Variants in DOP1B observed in about 807,000 individuals in gnomAD.
DOP1B encodes DOP1 leucine zipper like protein B.
A neutral mutation model predicts 233.5 loss-of-function variants in DOP1B; 174 were observed. The ratio of observed to expected loss-of-function variants is 0.75; its 90% CI spans 0.66 to 0.85. The LOEUF (loss-of-function observed/expected upper bound fraction) is 0.85. Among genes scored for constraint, DOP1B ranks in the 40% least tolerant of loss-of-function variants. DOP1B has a pLI of 0.00. For synonymous variants in DOP1B, 1,190 were observed against 1,185.6 expected (o/e 1.00, Z -0.08); for missense variants, 2,652 against 2,846.6 (o/e 0.93, Z 1.56).
intron 26 of DOP1B, among the ~76,000 whole-genome samples, chr21:36,266,023 C>T (rs551484818): frequency 1.3e-5 from 2 of 152,080 alleles, no homozygotes; most frequent in Non-Finnish European, 2.9e-5. Flanking sequence ...TGCCCCACCC[C>T]CTCAGATGCC....
intron 2 of DOP1B, among the ~76,000 whole-genome samples, chr21:36,180,007 C>T (rs930105175): frequency 1.3e-5 from 2 of 152,164 alleles, no homozygotes; most frequent in African/African-American, 4.8e-5. Context: ...GAGCCACAGC[C>T]TGTCACCTGC....
chr21:36,180,164 A>G (rs983320981), intron 2 of DOP1B, among the ~76,000 whole-genome samples: 28 of 152,272 alleles, frequency 1.8e-4, no homozygotes, highest in African/African-American at 6.0e-4. Flanking sequence ...GGGGTTATTG[A>G]TATTAACCAT....
Position 36,281,526 on chromosome 21 carries a change from G to A in DOP1B, c.6075G>A (p.Gln2025=), listed in dbSNP as rs781724014. Residue 2025 remains glutamine, a synonymous_variant, in exon 32 of 37, where the codon CAG becomes CAA. Coordinates refer to ENST00000691173, the MANE Select transcript of DOP1B (RefSeq NM_001320714.2). ...SSLKLFSSFE[Q]KAMLLKRQAF... is the part of the protein sequence containing the mutation. Reference sequence around the variant, plus strand: ...TGAAACTATTCTCAAGTTTTGAACAGAAAGCCATGCTGTTAAAGCGCCAGG... The same window carrying A: ...TGAAACTATTCTCAAGTTTTGAACAAAAAGCCATGCTGTTAAAGCGCCAGG... 1.6e-5 allele frequency: 25 copies of A among 1,609,336 alleles called. No homozygotes were observed. Among genetic ancestry groups the A allele is most frequent in the Non-Finnish European group, 2.1e-5 (25 of 1,176,116 alleles).
intron 32 of DOP1B, among the ~76,000 whole-genome samples, chr21:36,283,970 T>TG (rs2076139125): frequency 7.3e-6 from 1 of 137,610 alleles, no homozygotes; most frequent in South Asian, 2.3e-4. Context: ...TCCTTTGAGA[T>TG]GGAGTCTTGC....
intron 27 of DOP1B, among the ~76,000 whole-genome samples, chr21:36,274,926 C>T (rs1005101527): frequency 1.3e-5 from 2 of 151,194 alleles, no homozygotes; most frequent in African/African-American, 4.9e-5. Flanking sequence ...CTCACTGCAA[C>T]CTCTGCCTCC....
chr21:36,172,340 C>T (rs776769493), intron 2 of DOP1B, among the ~76,000 whole-genome samples: 14 of 152,168 alleles, frequency 9.2e-5, no homozygotes, highest in Admixed American at 3.3e-4. Context: ...CAGTTCCTGC[C>T]GTTACTGGAT....
intron 33 of DOP1B, 119 bp downstream of exon 33, chr21:36,288,269 G>T: frequency 9.8e-7 from 1 of 1,017,724 alleles, no homozygotes; most frequent in Non-Finnish European, 1.4e-6. Context: ...TTTTAATCAG[G>T]TTGGTAGCAC....
rs372711493 is a variant in DOP1B, at chr21:36,196,732, T to C, written c.139-2338T>C. On this transcript the variant is annotated intron_variant, in intron 2 of 36. Transcript: ENST00000691173. ...GAGACCAGTTGATCATTCTGAGCAA[T>C]GTAGGGAGACCTTGTCTCTACAGAA... Among the ~76,000 whole-genome samples, 18 of 152,152 alleles carry C rather than the reference T, an allele frequency of 1.2e-4. No individual in the cohort carries two copies. The South Asian group carries it at 3.3e-3, about 28-fold the overall frequency.
chr21:36,156,889 G>C lies in DOP1B; in HGVS notation c.-81G>C, dbSNP rs1252604236. 1 of 152,380 alleles carries C rather than the reference G, an allele frequency of 6.6e-6. No individual in the cohort carries two copies. Among genetic ancestry groups the C allele is most frequent in the African/African-American group, 2.4e-5 (1 of 41,456 alleles). The allele number at this position is 152,380 out of a possible 1,614,324, so 9.4% of individuals were successfully genotyped here. ...CTGCCCAGTCTCTCTCCCCCAGCCC[G>C]GAGGGCTCCTCCGCGCCGCACGTGA... On this transcript the variant is annotated 5_prime_UTR_variant, in exon 1 of 37. Coordinates refer to ENST00000691173, the MANE Select transcript of DOP1B (RefSeq NM_001320714.2).
At chr21:36,218,995 G>A (rs1943951212) in intron 9 of DOP1B, among the ~76,000 whole-genome samples, 1 of 152,172 alleles carries the variant, frequency 6.6e-6, no homozygotes, top group African/African-American at 2.4e-5. Flanking sequence ...CGTAGTCTGC[G>A]CTCTGCCTCT....
intron 7 of DOP1B, 50 bp downstream of exon 7, chr21:36,212,147 T>C: frequency 2.0e-6 from 3 of 1,505,902 alleles, no homozygotes; most frequent in Non-Finnish European, 2.7e-6. Context: ...ATGAAACCTT[T>C]TAGTGCTGAC....
intron 32 of DOP1B, among the ~76,000 whole-genome samples, chr21:36,283,229 C>T (rs1012188056): frequency 4.0e-5 from 6 of 151,826 alleles, no homozygotes; most frequent in Non-Finnish European, 8.8e-5. Flanking sequence ...TACAGGCACC[C>T]ACCACCATGT....
rs80008560 is a variant in DOP1B, at chr21:36,220,206, T to C, written c.1250+714T>C. Among the ~76,000 whole-genome samples, 1,145 of 152,342 alleles carry C rather than the reference T, an allele frequency of 7.5e-3. 13 individuals are homozygous for C. The highest frequency in any genetic ancestry group is 0.027 in the African/African-American group (1,103 of 41,582). ...AATCAATGTTAATATTTTTCTGGTT[T>C]GTTAGTTGTAAGTGTACTAAGAGTT... On this transcript the variant is annotated intron_variant, in intron 10 of 36. Coordinates refer to ENST00000691173, the MANE Select transcript of DOP1B (RefSeq NM_001320714.2).
rs1425342834 is a variant in DOP1B, at chr21:36,245,081, C to T, written c.3101C>T (p.Thr1034Ile). ...DLHRWFNRKK[T>I]SFREACAVPE... ...CACCGTTGGTTTAACAGGAAGAAAA[C>T]CTCTTTCAGAGAGGCATGCGCAGTG... is the stretch of plus-strand genomic sequence containing the variant. Residue 1034 changes from threonine (T) to isoleucine (I), a missense_variant, in exon 19 of 37, where the codon ACC becomes ATC. Thr to Ile is a moderately conservative substitution (Grantham distance 89, BLOSUM62 -1). Around this residue, in one of 3 missense-constraint regions of DOP1B, gnomAD observed 2,617 missense variants for 2,794.3 expected, o/e 0.94. Coordinates refer to ENST00000691173, the MANE Select transcript of DOP1B (RefSeq NM_001320714.2). This position sits in a 1 kb window ranked among gnomAD's most constrained non-coding sequence, Gnocchi z 5.5. The T allele has an allele frequency of 1.9e-6, 3 of 1,600,184 alleles. No homozygotes were observed. Among genetic ancestry groups the T allele is most frequent in the Non-Finnish European group, 2.6e-6 (3 of 1,168,838 alleles).
intron 2 of DOP1B, among the ~76,000 whole-genome samples, chr21:36,167,097 T>C (rs1295828499): frequency 1.3e-5 from 2 of 152,212 alleles, no homozygotes; most frequent in Non-Finnish European, 2.9e-5. Context: ...AGAACCGCAT[T>C]GAGTCCCACA....
chr21:36,245,019 A>G lies in DOP1B; in HGVS notation c.3068-29A>G, dbSNP rs754249342. 94 of 1,570,258 alleles carry G rather than the reference A, an allele frequency of 6.0e-5. No individual in the cohort carries two copies. Among genetic ancestry groups the G allele is most frequent in the Non-Finnish European group, 8.1e-5 (93 of 1,152,578 alleles). On this transcript the variant is annotated intron_variant, in intron 18 of 36. Transcript: ENST00000691173. This position sits in a 1 kb window ranked among gnomAD's most constrained non-coding sequence, Gnocchi z 5.5. Reference sequence around the variant, plus strand: ...TGTATCATAGCTGACCCTTCTGTCTAAAGTCATTTGTCATCTTGTAATTTT... The same window carrying G: ...TGTATCATAGCTGACCCTTCTGTCTGAAGTCATTTGTCATCTTGTAATTTT...
chr21:36,176,243 G>T (rs1022200788), intron 2 of DOP1B, among the ~76,000 whole-genome samples: 2 of 152,084 alleles, frequency 1.3e-5, no homozygotes, highest in Non-Finnish European at 2.9e-5. Flanking sequence ...CATTGTGGGG[G>T]TATCCTACAT....
At chr21:36,241,503 C>CTTTTTTTTTTTTT (rs1165636640) in intron 18 of DOP1B, among the ~76,000 whole-genome samples, 1 of 76,472 alleles carries the variant, frequency 1.3e-5, no homozygotes, top group Non-Finnish European at 2.3e-5. Flanking sequence ...TTATCTTAAT[C>CTTTTTTTTTTTTT]TTTTTTTTTT....
rs775893174 is a variant in DOP1B at position 36,231,000 on chromosome 21, T to G, written c.2216T>G (p.Leu739Arg). The change falls in exon 14 of 37, where the codon CTG becomes CGG. Residue 739 changes from leucine to arginine, a missense_variant. Leu to Arg is a moderately radical substitution (Grantham distance 102). Around this residue, in one of 3 missense-constraint regions of DOP1B, gnomAD observed 2,617 missense variants for 2,794.3 expected, o/e 0.94. Transcript: ENST00000691173. ...EWDVEKVVID[L>R]GGSREERREA... is the part of the protein sequence containing the mutation. ...GATGTTGAGAAGGTGGTCATTGACC[T>G]GGGGGGTTCCAGGGAGGAACGCAGG... 6.2e-7 allele frequency: 1 copy of G among 1,614,134 alleles called. No individual in the cohort carries two copies. Among genetic ancestry groups the G allele is most frequent in the South Asian group, 1.1e-5 (1 of 91,082 alleles).
Sources: allele counts gnomAD v4.1 joint callset (sites outside exome capture counted in the v4.1 genomes callset), GRCh38; gene constraint gnomAD v4.1.1; regional missense constraint gnomAD v4.1.1; non-coding constraint Gnocchi (gnomAD v3.1); transcripts MANE v1.5; gene names NCBI Gene and HGNC (gene_info 2026-07-23, HGNC 2026-07-21).